PRKG2: variants seen among roughly 807,000 people sequenced by gnomAD.
PRKG2 encodes the protein protein kinase cGMP-dependent 2.
A neutral mutation model predicts 97.2 loss-of-function variants in PRKG2; 33 were observed. That is an observed-to-expected ratio of 0.34 (90% CI 0.26 to 0.45). The LOEUF (loss-of-function observed/expected upper bound fraction) is 0.45. PRKG2 is among the 20% of genes least tolerant of loss of function. PRKG2 has a pLI of 1.00. For synonymous variants in PRKG2, 330 were observed against 321.8 expected (o/e 1.03, Z -0.27); for missense variants, 638 against 900.0 (o/e 0.71, Z 3.73).
chr4:81,203,851 C>T (rs563223024), intron 2 of PRKG2, among the ~76,000 whole-genome samples: 2 of 152,280 alleles, frequency 1.3e-5, no homozygotes, highest in South Asian at 2.1e-4. Context: ...CCTCTTCCTG[C>T]CTGGTTCATG....
intron 14 of PRKG2, among the ~76,000 whole-genome samples, chr4:81,133,856 T>C (rs1746402396): frequency 6.9e-6 from 1 of 145,490 alleles, no homozygotes; most frequent in South Asian, 2.4e-4. Flanking sequence ...CTATTTTTTT[T>C]TAAAAATAGC....
chr4:81,131,311 C>T (rs193257865), intron 14 of PRKG2, among the ~76,000 whole-genome samples: 1 of 149,424 alleles, frequency 6.7e-6, no homozygotes, highest in East Asian at 1.9e-4. Context: ...CACTGTCTAA[C>T]CAGTCCTAAT....
intron 7 of PRKG2, chr4:81,153,371 A>C: frequency 3.6e-6 from 1 of 279,096 alleles, no homozygotes; most frequent in Admixed American, 4.9e-5. Flanking sequence ...CTTATAAATA[A>C]TCCAGCCATC....
intron 2 of PRKG2, among the ~76,000 whole-genome samples, chr4:81,191,039 T>C (rs1207561457): frequency 1.3e-5 from 2 of 152,104 alleles, no homozygotes; most frequent in Non-Finnish European, 2.9e-5. Flanking sequence ...TCCTCAAGGA[T>C]CTAGAACCAG....
intron 1 of PRKG2, among the ~76,000 whole-genome samples, chr4:81,214,436 A>T (rs1056513370): frequency 3.3e-5 from 5 of 151,882 alleles, no homozygotes; most frequent in African/African-American, 1.2e-4. Flanking sequence ...GAAATACAGA[A>T]ATATGAAAGC....
At position 81,174,735 on chromosome 4, in the gene PRKG2, A is replaced by C; in HGVS notation, c.628+58T>G. ...GTTTTATGTTTTTATAAATGTTTGC[A>C]GAAAATCATAACAGGCAAAATATTT... is the stretch of plus-strand genomic sequence containing the variant. On this transcript the variant is annotated intron_variant, in intron 3 of 18. Transcript: ENST00000264399. 3 of 1,484,110 alleles carry C rather than the reference A, an allele frequency of 2.0e-6. No homozygotes were observed. In the Admixed American group the frequency reaches 6.2e-5, roughly 31 times the overall value. 91.9% of individuals were successfully genotyped at this position (1,484,110 alleles called of 1,614,324 possible).
intron 6 of PRKG2, among the ~76,000 whole-genome samples, chr4:81,156,356 G>A (rs1275593139): frequency 2.6e-5 from 4 of 152,148 alleles, no homozygotes; most frequent in Non-Finnish European, 5.9e-5. Flanking sequence ...ATGGTAAAGG[G>A]ATCAATTCAG....
intron 3 of PRKG2, 100 bp from the exon 4 acceptor site, chr4:81,171,904 T>C (rs940336728): frequency 1.4e-5 from 11 of 759,004 alleles, no homozygotes; most frequent in Non-Finnish European, 2.0e-5. Context: ...ACACAAAGTA[T>C]ACAGGTAAGA....
chr4:81,159,927 G>A (rs945676822), intron 6 of PRKG2, among the ~76,000 whole-genome samples: 1 of 143,340 alleles, frequency 7.0e-6, no homozygotes, highest in Non-Finnish European at 1.5e-5. Flanking sequence ...CATGGACACA[G>A]GAAGGGGAAC....
intron 14 of PRKG2, among the ~76,000 whole-genome samples, chr4:81,113,638 A>C (rs1744201988): frequency 6.6e-6 from 1 of 152,152 alleles, no homozygotes; most frequent in Non-Finnish European, 1.5e-5. Flanking sequence ...TCTTTCCCAG[A>C]AATTTCTCTC....
intron 2 of PRKG2, among the ~76,000 whole-genome samples, chr4:81,191,791 C>T (rs1034753072): frequency 3.3e-5 from 5 of 152,002 alleles, no homozygotes; most frequent in African/African-American, 7.2e-5. Context: ...ACTGAGACAC[C>T]ACAAAATGTC....
chr4:81,134,491 A>G (rs1246499565), intron 14 of PRKG2, among the ~76,000 whole-genome samples: 1 of 152,176 alleles, frequency 6.6e-6, no homozygotes, highest in African/African-American at 2.4e-5. Context: ...CCGAGGCCCA[A>G]GGCGCCTTGC....
rs1741328617 is a variant in PRKG2, at chr4:81,089,412, G to GA, written c.*295dup. The GA allele has an allele frequency of 1.5e-5, 4 of 268,210 alleles. No homozygotes were observed. Among genetic ancestry groups the GA allele is most frequent in the Admixed American group, 1.0e-4 (2 of 19,330 alleles). The allele number at this position is 268,210 out of a possible 1,614,324, so 16.6% of individuals were successfully genotyped here. On this transcript the variant is annotated 3_prime_UTR_variant, in exon 19 of 19. Transcript: ENST00000264399. Reference sequence around the variant, plus strand: ...GATTGGAATGGAACAATAGATTGCAGAAAAAACTGCCACTTTAACAAAAAT... The same window carrying GA: ...GATTGGAATGGAACAATAGATTGCAGAAAAAAACTGCCACTTTAACAAAAAT...
intron 6 of PRKG2, among the ~76,000 whole-genome samples, chr4:81,154,974 A>C (rs1480329460): frequency 1.3e-5 from 2 of 152,202 alleles, no homozygotes; most frequent in Non-Finnish European, 1.5e-5. Context: ...GGAGATCGAG[A>C]CCATCCCGGC....
chr4:81,207,446 C>T (rs1284870395), intron 1 of PRKG2, among the ~76,000 whole-genome samples: 1 of 152,166 alleles, frequency 6.6e-6, no homozygotes, highest in African/African-American at 2.4e-5. Flanking sequence ...AAATTGTTTA[C>T]TAAGACCAAA....
At chr4:81,152,182 T>A in intron 7 of PRKG2, 128 bp from the exon 8 acceptor site, 1 of 685,138 alleles carries the variant, frequency 1.5e-6, no homozygotes, top group Non-Finnish European at 2.4e-6. Flanking sequence ...TACTTTGTTT[T>A]AATTTTATGG....
chr4:81,113,311 C>T (rs1435558890), intron 14 of PRKG2, among the ~76,000 whole-genome samples: 3 of 151,408 alleles, frequency 2.0e-5, no homozygotes, highest in African/African-American at 4.9e-5. Context: ...AAATAGACAC[C>T]CTCCCCTTTT....
At chr4:81,155,450 T>C (rs2110064723) in intron 6 of PRKG2, among the ~76,000 whole-genome samples, 1 of 152,220 alleles carries the variant, frequency 6.6e-6, no homozygotes, top group South Asian at 2.1e-4. Flanking sequence ...AATCTACGTC[T>C]GATTGGTGTA....
chr4:81,183,364 C>T (rs1043000539), intron 2 of PRKG2, among the ~76,000 whole-genome samples: 16 of 152,086 alleles, frequency 1.1e-4, no homozygotes, highest in South Asian at 6.2e-4. Context: ...GGTGAGGCAT[C>T]GCCTCACCCA....
Sources: allele counts gnomAD v4.1 joint callset (sites outside exome capture counted in the v4.1 genomes callset), GRCh38; gene constraint gnomAD v4.1.1; transcripts MANE v1.5; gene names NCBI Gene and HGNC (gene_info 2026-07-23, HGNC 2026-07-21).